Variants in SLC25A53 observed in about 807,000 individuals in gnomAD.
SLC25A53 encodes mitochondrial carrier triple repeat protein 6.
In SLC25A53, 5 loss-of-function variants were observed where a neutral mutation model predicts 15.0. That is an observed-to-expected ratio of 0.33 (90% confidence interval 0.17 to 0.70). The LOEUF (loss-of-function observed/expected upper bound fraction) is 0.70. SLC25A53 is among the 30% of genes least tolerant of loss of function. The pLI is 0.67. For synonymous variants in SLC25A53, 95 were observed against 100.0 expected (o/e 0.95, Z 0.30); for missense variants, 216 against 241.6 (o/e 0.89, Z 0.70).
chrX:104,127,372 A>G (rs782114106), intron 1 of SLC25A53, among the ~76,000 whole-genome samples: 2 of 111,873 alleles, frequency 1.8e-5, no homozygotes, highest in East Asian at 5.6e-4. Context: ...TATGAAGGGG[A>G]AGCACAAGGG....
At chrX:104,139,430 T>C (rs1001846687) in intron 1 of SLC25A53, among the ~76,000 whole-genome samples, 16 of 109,281 alleles carry the variant, frequency 1.5e-4, no homozygotes, top group Non-Finnish European at 1.5e-4. Context: ...GGTAGGAGAA[T>C]TGCTAGAACC....
intron 1 of SLC25A53, among the ~76,000 whole-genome samples, chrX:104,128,368 A>G (rs1245254403): frequency 8.9e-6 from 1 of 112,259 alleles, no homozygotes; most frequent in Non-Finnish European, 1.9e-5. Flanking sequence ...TATTTAAAAT[A>G]AATCCACTGA....
intron 1 of SLC25A53, among the ~76,000 whole-genome samples, chrX:104,120,620 T>C (rs1197767980): frequency 8.9e-6 from 1 of 112,145 alleles, no homozygotes; most frequent in African/African-American, 3.2e-5. Flanking sequence ...CACAAGCATG[T>C]CATCTGTGAA....
At chrX:104,150,031 G>C (rs782116998) in intron 1 of SLC25A53, among the ~76,000 whole-genome samples, 2 of 109,471 alleles carry the variant, frequency 1.8e-5, no homozygotes, top group African/African-American at 6.7e-5. Flanking sequence ...TCAGGAGTTC[G>C]AGACCAGCCT....
In SLC25A53 at chrX:104,100,559, C is replaced by T. The variant is rs2075276105; in HGVS notation, c.*3775G>A. The T allele has an allele frequency of 9.0e-6, 1 of 111,497 alleles. No homozygotes were observed. The highest frequency in any genetic ancestry group is 9.6e-5 in the Admixed American group (1 of 10,455). 9.2% of individuals were successfully genotyped at this position (111,497 alleles called of 1,213,427 possible). ...TTTTAAGTGGAAAAAGTTGACAGGTCTGTATAATTTTACAATATTGCCTAG... is the reference window on the plus strand; with the variant it reads ...TTTTAAGTGGAAAAAGTTGACAGGTTTGTATAATTTTACAATATTGCCTAG... On this transcript the variant is annotated 3_prime_UTR_variant, in exon 2 of 2. Coordinates refer to ENST00000594199, the MANE Select transcript of SLC25A53 (RefSeq NM_001012755.5).
chrX:104,123,065 C>T (rs1400851365), intron 1 of SLC25A53, among the ~76,000 whole-genome samples: 1 of 112,156 alleles, frequency 8.9e-6, no homozygotes, highest in African/African-American at 3.2e-5. Flanking sequence ...GCCTGGTGCA[C>T]TGTAACTACT....
intron 1 of SLC25A53, among the ~76,000 whole-genome samples, chrX:104,147,338 A>G (rs1276015838): frequency 9.0e-6 from 1 of 111,374 alleles, no homozygotes; most frequent in Non-Finnish European, 1.9e-5. Flanking sequence ...TAGACCTAAA[A>G]CCATAAAAAC....
At chrX:104,119,146 A>G (rs1333979055) in intron 1 of SLC25A53, among the ~76,000 whole-genome samples, 5 of 112,191 alleles carry the variant, frequency 4.5e-5, no homozygotes, top group Non-Finnish European at 9.4e-5. Flanking sequence ...TCATTACCTG[A>G]TTGGAAAAAA....
chrX:104,119,925 G>C (rs2075388348), intron 1 of SLC25A53, among the ~76,000 whole-genome samples: 1 of 111,246 alleles, frequency 9.0e-6, no homozygotes, highest in Non-Finnish European at 1.9e-5. Flanking sequence ...CTCAAATATA[G>C]ATGCCCAAAC....
chrX:104,142,862 G>A (rs893636521), intron 1 of SLC25A53, among the ~76,000 whole-genome samples: 1 of 105,372 alleles, frequency 9.5e-6, no homozygotes, highest in Non-Finnish European at 1.9e-5. Context: ...CGGAACTTAC[G>A]GTGAGCCGAG....
intron 1 of SLC25A53, among the ~76,000 whole-genome samples, chrX:104,108,314 G>A (rs1237112938): frequency 3.6e-5 from 4 of 111,445 alleles, no homozygotes; most frequent in African/African-American, 1.3e-4. Flanking sequence ...ACCTCAAAAC[G>A]TTGTGGCAGA....
chrX:104,111,489 GA>G (rs1276834521), intron 1 of SLC25A53, among the ~76,000 whole-genome samples: 4 of 102,117 alleles, frequency 3.9e-5, no homozygotes, highest in African/African-American at 7.3e-5. Flanking sequence ...TGTGTAAAAA[GA>G]AAAAAAAAGA....
intron 1 of SLC25A53, among the ~76,000 whole-genome samples, chrX:104,128,683 G>T (rs1467479589): frequency 1.8e-5 from 2 of 111,073 alleles, no homozygotes; most frequent in African/African-American, 6.6e-5. Flanking sequence ...GAGACATAAT[G>T]AAACATTTTC....
At chrX:104,153,056 GC>G (rs1213478879) in intron 1 of SLC25A53, among the ~76,000 whole-genome samples, 1 of 110,759 alleles carries the variant, frequency 9.0e-6, no homozygotes, top group Non-Finnish European at 1.9e-5. Context: ...TCTGTTTAGG[GC>G]CACCCCCTAA....
intron 1 of SLC25A53, among the ~76,000 whole-genome samples, chrX:104,110,550 G>A (rs1316121780): frequency 1.8e-5 from 2 of 112,418 alleles, no homozygotes; most frequent in Non-Finnish European, 3.8e-5. Flanking sequence ...GCATCAGACT[G>A]TTTACTTGCT....
chrX:104,116,119 G>C (rs781943603), intron 1 of SLC25A53, among the ~76,000 whole-genome samples: 2 of 103,543 alleles, frequency 1.9e-5, no homozygotes, highest in South Asian at 8.4e-4. Context: ...GATGGGGAAC[G>C]GGGGGGGGAC....
intron 1 of SLC25A53, among the ~76,000 whole-genome samples, chrX:104,109,372 T>C (rs1416873826): frequency 1.8e-5 from 2 of 112,242 alleles, no homozygotes; most frequent in Non-Finnish European, 3.8e-5. Context: ...CCAAGTTTCA[T>C]CATCTCGCTG....
Position 104,147,994 on chromosome X carries a change from G to A in SLC25A53, c.-32+8884C>T, listed in dbSNP as rs782787604. 1.1e-4 allele frequency among the ~76,000 whole-genome samples: 12 copies of A among 111,182 alleles called. No individual in the cohort carries two copies. The East Asian group carries it at 1.7e-3, about 16-fold the overall frequency. On this transcript the variant is annotated intron_variant, in intron 1 of 1. Coordinates refer to ENST00000594199, the MANE Select transcript of SLC25A53 (RefSeq NM_001012755.5). ...ATAAATCATGCTGCTATAAAGACAC[G>A]TGCACACGTATGTTTATTGTGGCAT...
chrX:104,150,664 A>T (rs913883865), intron 1 of SLC25A53, among the ~76,000 whole-genome samples: 2 of 112,375 alleles, frequency 1.8e-5, no homozygotes, highest in Non-Finnish European at 3.8e-5. Flanking sequence ...CCTTCTGGAT[A>T]AGAGTCATTA....
Sources: allele counts gnomAD v4.1 joint callset (sites outside exome capture counted in the v4.1 genomes callset), GRCh38; gene constraint gnomAD v4.1.1; transcripts MANE v1.5; gene names NCBI Gene and HGNC (gene_info 2026-07-23, HGNC 2026-07-21).